Variants in PLXNA1 observed in about 807,000 individuals in gnomAD.
The protein encoded by PLXNA1 is plexin-A1.
A neutral mutation model predicts 191.7 loss-of-function variants in PLXNA1; 77 were observed. The observed-to-expected ratio is 0.40, with a 90% confidence interval of 0.33 to 0.49. The LOEUF is 0.49. PLXNA1 is among the 20% of genes least tolerant of loss of function. The pLI is 0.63. For missense variants in PLXNA1, 2,110 were observed against 2,660.2 expected (o/e 0.79, Z 4.55); for synonymous variants, 1,137 against 1,156.4 (o/e 0.98, Z 0.34).
intron 1 of PLXNA1, among the ~76,000 whole-genome samples, chr3:126,986,873 A>G (rs1329225321): frequency 6.6e-6 from 1 of 152,120 alleles, no homozygotes; most frequent in Non-Finnish European, 1.5e-5. Context: ...AGACTTGGAG[A>G]AGGCATCCAT....
chr3:127,017,910 G>T lies in PLXNA1; in HGVS notation c.3660+18G>T. 1.2e-6 allele frequency: 2 copies of T among 1,610,740 alleles called. No homozygotes were observed. The highest frequency in any genetic ancestry group is 1.7e-6 in the Non-Finnish European group (2 of 1,179,762). On this transcript the variant is annotated intron_variant, in intron 19 of 31. Coordinates refer to ENST00000393409, the MANE Select transcript of PLXNA1 (RefSeq NM_032242.4). ...AGGTCACGGTGCGTCTGTCCACCGG[G>T]GGTGCAGAGCTGGGAGAGCCATGCC... is the stretch of plus-strand genomic sequence containing the variant.
intron 1 of PLXNA1, among the ~76,000 whole-genome samples, 91 bp downstream of exon 1, chr3:126,983,378 G>C (rs1449417740): frequency 6.9e-6 from 1 of 145,528 alleles, no homozygotes; most frequent in South Asian, 2.1e-4. Flanking sequence ...CCGTGGGTGG[G>C]CGCGGGGCGG....
At chr3:126,993,242 G>C (rs1477925858) in intron 3 of PLXNA1, among the ~76,000 whole-genome samples, 2 of 152,206 alleles carry the variant, frequency 1.3e-5, no homozygotes, top group Non-Finnish European at 2.9e-5. Flanking sequence ...AGTTGGGCTT[G>C]GGCCCATCTA....
In PLXNA1 at chr3:127,020,317, G is replaced by A. The variant is rs771554038; in HGVS notation, c.4011G>A (p.Glu1337=). ...TGCGGGTGCTCTTTCCTGGGATCGA[G>A]GACCACCCTGTGCTCAAGGAGATGG... ...YAMRVLFPGI[E]DHPVLKEMEV... is the part of the protein sequence containing the mutation. The change falls in exon 21 of 32, where the codon GAG becomes GAA. Residue 1337 remains glutamate (E), a synonymous_variant. Transcript: ENST00000393409. 1 of 1,612,998 alleles carries A rather than the reference G, an allele frequency of 6.2e-7. No homozygotes were observed. The highest frequency in any genetic ancestry group is 1.1e-5 in the South Asian group (1 of 91,076).
In PLXNA1 at chr3:127,022,167, C is replaced by A; in HGVS notation, c.4121C>A (p.Thr1374Lys). The change falls in exon 22 of 32, where the codon ACG becomes AAG. Residue 1374 changes from threonine to lysine, a missense_variant. Physicochemically the swap from Thr to Lys is moderately conservative, Grantham distance 78. Transcript: ENST00000393409. The part of the protein sequence containing the change: ...KKHFLLTFIR[T>K]LEAQRSFSMR... ...CACTTCCTGCTGACCTTCATCCGCA[C>A]GCTGGAGGCACAGCGCAGCTTCTCC... 1.2e-6 allele frequency: 2 copies of A among 1,613,418 alleles called. No homozygotes were observed. The highest frequency in any genetic ancestry group is 1.7e-6 in the Non-Finnish European group (2 of 1,179,992).
intron 3 of PLXNA1, among the ~76,000 whole-genome samples, chr3:126,997,845 A>G (rs1407861748): frequency 6.6e-6 from 1 of 152,174 alleles, no homozygotes; most frequent in Non-Finnish European, 1.5e-5. Context: ...AAGCCAGGGC[A>G]CGGGCCCGTC....
intron 3 of PLXNA1, among the ~76,000 whole-genome samples, chr3:126,996,673 G>A (rs997145558): frequency 2.0e-5 from 3 of 152,208 alleles, no homozygotes; most frequent in East Asian, 1.9e-4. Context: ...CCCCTTAGCC[G>A]TGGAGAGGCT....
At chr3:127,014,676 G>T (rs763860999) in intron 13 of PLXNA1, 35 bp from the exon 14 acceptor site, 2 of 1,610,872 alleles carry the variant, frequency 1.2e-6, no homozygotes, top group South Asian at 1.1e-5. Flanking sequence ...GACGGGGCGG[G>T]GCTCCTGCAG....
intron 22 of PLXNA1, 59 bp downstream of exon 22, chr3:127,022,400 G>GGTTGGTCTAGCAGGCCCAGA: frequency 6.4e-7 from 1 of 1,573,688 alleles, no homozygotes; most frequent in South Asian, 1.1e-5. Flanking sequence ...GCTTTGGACA[G>GGTTGGTCTAGCAGGCCCAGA]GTTGGTCTAG....
intron 1 of PLXNA1, among the ~76,000 whole-genome samples, chr3:126,984,775 C>G (rs932313256): frequency 2.6e-5 from 4 of 152,206 alleles, no homozygotes; most frequent in Non-Finnish European, 4.4e-5. Flanking sequence ...TCCTGGCCCC[C>G]CAAGGTCGTT....
rs772827570 is a variant in PLXNA1 at position 127,014,629 on chromosome 3, AG to A, written c.2756+1del. ...GAGAGCGAGTACATCAGTGCGGAGC[AG>A]TGAGTGCAGCCCTGGGTGTGTGCGG... On this transcript the variant is annotated splice_donor_variant, in intron 13 of 31. Transcript: ENST00000393409. LOFTEE classifies it high-confidence loss of function. 1 of 1,581,750 alleles carries A rather than the reference AG, an allele frequency of 6.3e-7. No individual in the cohort carries two copies. The highest frequency in any genetic ancestry group is 1.7e-5 in the Admixed American group (1 of 59,948).
intron 3 of PLXNA1, among the ~76,000 whole-genome samples, chr3:126,997,799 G>A (rs948546512): frequency 6.6e-5 from 10 of 152,226 alleles, no homozygotes; most frequent in African/African-American, 2.4e-4. Flanking sequence ...GGCCACCCAT[G>A]GGGCACTCAC....
At chr3:126,985,200 A>G (rs577985787) in intron 1 of PLXNA1, among the ~76,000 whole-genome samples, 1 of 152,230 alleles carries the variant, frequency 6.6e-6, no homozygotes, top group East Asian at 1.9e-4. Flanking sequence ...CACTCAGGCC[A>G]GGAAAGGGAA....
At chr3:126,991,243 C>T (rs1297017290) in intron 2 of PLXNA1, 141 bp from the exon 3 acceptor site, 12 of 843,698 alleles carry the variant, frequency 1.4e-5, no homozygotes, top group East Asian at 2.7e-5. Context: ...TGTCTTAAAC[C>T]CTCTCTGTCT....
At chr3:127,012,197 G>C (rs773345232) in intron 10 of PLXNA1, 39 bp downstream of exon 10, 1 of 1,590,950 alleles carries the variant, frequency 6.3e-7, no homozygotes, top group South Asian at 1.1e-5. Flanking sequence ...CCGTGAGCCG[G>C]AATGGGCCGG....
At chr3:127,028,696 C>T (rs2079189410) in intron 25 of PLXNA1, 1 of 535,486 alleles carries the variant, frequency 1.9e-6, no homozygotes, top group South Asian at 2.4e-5. Flanking sequence ...GCAGATGTGA[C>T]TGGAGAGGCT....
chr3:127,004,326 A>G (rs1480805648), intron 4 of PLXNA1, among the ~76,000 whole-genome samples: 1 of 152,220 alleles, frequency 6.6e-6, no homozygotes, highest in East Asian at 1.9e-4. Flanking sequence ...GGGAGTCCAG[A>G]CAGATGGAGA....
At chr3:127,017,295 G>T in intron 17 of PLXNA1, 130 bp from the exon 18 acceptor site, 1 of 1,379,294 alleles carries the variant, frequency 7.3e-7, no homozygotes, top group South Asian at 1.4e-5. Flanking sequence ...GGTGGCCCAG[G>T]ACCAGCCCTG....
chr3:127,017,078 T>G, intron 17 of PLXNA1, 41 bp downstream of exon 17: 5 of 1,519,596 alleles, frequency 3.3e-6, no homozygotes, highest in Non-Finnish European at 4.6e-6. Context: ...GTCCAGGCCT[T>G]CACCTGGGAT....
Sources: gnomAD v4.1 joint callset for allele counts (sites outside exome capture counted in the v4.1 genomes callset) on GRCh38, gnomAD v4.1.1 for gene constraint, MANE v1.5 for transcripts, NCBI Gene and HGNC (gene_info 2026-07-23, HGNC 2026-07-21) for gene names.